Variants in MAPDA observed in about 807,000 individuals in gnomAD.
MAPDA encodes the protein N6,N6-dimethyl-AMP deaminase.
the MAPDA span, chr15:43,333,420 GA>G: frequency 0.18 from 21,835 of 122,482 alleles, 1,688 homozygotes; most frequent in Non-Finnish European, 0.22. Flanking sequence ...TGTCTCAAAA[GA>G]AAAAAAAAAA....
the MAPDA span, chr15:43,345,998 C>T: frequency 9.8e-4 from 1,575 of 1,613,190 alleles, 2 homozygotes; most frequent in Middle Eastern, 3.3e-3. Flanking sequence ...ATTTTTCCTA[C>T]GTACATTTTA....
At chr15:43,338,530 G>A in the MAPDA span, among the ~76,000 whole-genome samples, 2 of 152,250 alleles carry the variant, frequency 1.3e-5, no homozygotes, top group Admixed American at 6.5e-5. Context: ...GTAAGTGGCA[G>A]TACTATCTGG....
At chr15:43,335,846 G>A in the MAPDA span, 13 of 1,596,400 alleles carry the variant, frequency 8.1e-6, no homozygotes, top group South Asian at 1.5e-4. Flanking sequence ...GGGAGGTTGT[G>A]GACATACTCC....
At chr15:43,334,197 A>G in the MAPDA span, among the ~76,000 whole-genome samples, 2 of 152,018 alleles carry the variant, frequency 1.3e-5, no homozygotes, top group Admixed American at 6.5e-5. Context: ...GTAAATAAAG[A>G]AACTGAAGCC....
chr15:43,350,754 A>G, the MAPDA span, among the ~76,000 whole-genome samples: 1 of 152,222 alleles, frequency 6.6e-6, no homozygotes, highest in African/African-American at 2.4e-5. Flanking sequence ...GTTGCACCAC[A>G]TGCTTCCTGT....
At chr15:43,351,658 A>G in the MAPDA span, 1 of 1,228,898 alleles carries the variant, frequency 8.1e-7, no homozygotes, top group Non-Finnish European at 1.1e-6. Flanking sequence ...AAAGAAGCAT[A>G]GTAAATAGGA....
the MAPDA span, chr15:43,351,392 G>T: frequency 6.3e-6 from 2 of 319,190 alleles, no homozygotes; most frequent in Admixed American, 4.6e-5. Flanking sequence ...ACTCTGGTTT[G>T]GCTCTCTAGC....
At chr15:43,353,574 G>A in the MAPDA span, 2 of 152,128 alleles carry the variant, frequency 1.3e-5, no homozygotes, top group Non-Finnish European at 2.9e-5. Flanking sequence ...CAGCCCCTAG[G>A]GGCTGGTCAC....
the MAPDA span, among the ~76,000 whole-genome samples, chr15:43,331,398 T>A: frequency 2.6e-5 from 4 of 152,216 alleles, no homozygotes; most frequent in Non-Finnish European, 4.4e-5. Flanking sequence ...CTGGGAGTCA[T>A]CCATAGGAAA....
At chr15:43,330,401 C>T in the MAPDA span, 1 of 1,578,650 alleles carries the variant, frequency 6.3e-7, no homozygotes, top group Admixed American at 2.0e-5. Flanking sequence ...CACGTACCCG[C>T]GCGCGGCCAG....
chr15:43,339,470 A>G, the MAPDA span, among the ~76,000 whole-genome samples: 1 of 152,230 alleles, frequency 6.6e-6, no homozygotes, highest in Non-Finnish European at 1.5e-5. Context: ...ATGAACAGCC[A>G]GCCCCTCTTG....
the MAPDA span, chr15:43,351,147 C>A: frequency 8.9e-7 from 1 of 1,122,674 alleles, no homozygotes; most frequent in Non-Finnish European, 1.3e-6. Context: ...AGGATAATGC[C>A]CAAGTAGAGG....
the MAPDA span, chr15:43,351,936 ACATAT>A: frequency 3.9e-6 from 6 of 1,550,642 alleles, no homozygotes; most frequent in East Asian, 1.2e-4. Flanking sequence ...CCAGAGTGTT[ACATAT>A]TTAAGCTATA....
chr15:43,349,153 C>G, the MAPDA span: 1 of 1,533,456 alleles, frequency 6.5e-7, no homozygotes, highest in Non-Finnish European at 8.8e-7. Flanking sequence ...CGAATGTCAT[C>G]TAGCTATTAA....
At chr15:43,341,863 G>A in the MAPDA span, among the ~76,000 whole-genome samples, 4 of 151,800 alleles carry the variant, frequency 2.6e-5, no homozygotes, top group African/African-American at 7.3e-5. Context: ...TTTTTGAGAC[G>A]GAGTCTTGCT....
At chr15:43,331,293 G>A in the MAPDA span, among the ~76,000 whole-genome samples, 2 of 152,220 alleles carry the variant, frequency 1.3e-5, no homozygotes, top group Non-Finnish European at 2.9e-5. Flanking sequence ...ACTGAAGAGA[G>A]GTGATTGTTC....
At chr15:43,340,447 T>C in the MAPDA span, 171 of 989,836 alleles carry the variant, frequency 1.7e-4, no homozygotes, top group African/African-American at 1.2e-4. Context: ...CACTAACTTT[T>C]ATACTATTGT....
the MAPDA span, chr15:43,350,968 G>A: frequency 2.9e-5 from 45 of 1,551,658 alleles, no homozygotes; most frequent in East Asian, 1.1e-3. Flanking sequence ...AACGTCAAAA[G>A]TCAGACAGTT....
At chr15:43,330,366 C>G in the MAPDA span, 1 of 1,604,604 alleles carries the variant, frequency 6.2e-7, no homozygotes, top group Non-Finnish European at 8.5e-7. Context: ...GCGCCCGGAA[C>G]CAGCAACGCG....
Sources: gnomAD v4.1 joint callset for allele counts (sites outside exome capture counted in the v4.1 genomes callset) on GRCh38, gnomAD v4.1.1 for gene constraint, MANE v1.5 for transcripts, NCBI Gene and HGNC (gene_info 2026-07-23, HGNC 2026-07-21) for gene names.